MICAL3: variants seen among roughly 807,000 people sequenced by gnomAD.
MICAL3 encodes [F-actin]-monooxygenase MICAL3.
In MICAL3, 62 loss-of-function variants were observed where a neutral mutation model predicts 207.4. The ratio of observed to expected loss-of-function variants is 0.30; its 90% CI spans 0.24 to 0.37. The LOEUF is 0.37. MICAL3 is among the 10% of genes least tolerant of loss of function. The pLI, the probability that MICAL3 is intolerant of heterozygous loss-of-function variation, is 1.00. For missense variants in MICAL3, 2,368 were observed against 2,635.6 expected (o/e 0.90, Z 2.22); for synonymous variants, 1,077 against 1,069.3 (o/e 1.01, Z -0.14).
In MICAL3 at chr22:17,877,558, T is replaced by G. The variant is rs200426852; in HGVS notation, c.2242-5535A>C. 5.9e-3 allele frequency among the ~76,000 whole-genome samples: 420 copies of G among 71,624 alleles called. 2 individuals are homozygous for G. Among genetic ancestry groups the G allele is most frequent in the South Asian group, 0.014 (29 of 2,122 alleles). 47.0% of individuals were successfully genotyped at this position (71,624 alleles called of 152,430 possible). The stretch of plus-strand genomic sequence containing the variant: ...GAGGTTATGGAGGTGAGGGAGGTTA[T>G]GGAGGTTAGGGAGGTTAGGGAAGTT... On this transcript the variant is annotated intron_variant, in intron 16 of 31. Coordinates refer to ENST00000441493, the MANE Select transcript of MICAL3 (RefSeq NM_015241.3).
At chr22:17,936,930 G>C (rs1933559671) in intron 1 of MICAL3, among the ~76,000 whole-genome samples, 1 of 152,154 alleles carries the variant, frequency 6.6e-6, no homozygotes, top group South Asian at 2.1e-4. Context: ...CCTCTCTGAT[G>C]CCACCTTCCT....
At chr22:17,976,781 T>C (rs573199275) in intron 1 of MICAL3, among the ~76,000 whole-genome samples, 56 of 150,328 alleles carry the variant, frequency 3.7e-4, no homozygotes, top group African/African-American at 1.2e-3. Flanking sequence ...ATGGGACTGT[T>C]ACAGACTACT....
Position 17,790,896 on chromosome 22 carries a change from C to G in MICAL3, c.5845G>C (p.Glu1949Gln). Residue 1949 changes from glutamate (E) to glutamine (Q), a missense_variant, in exon 32 of 32, where the codon GAG becomes CAG. Coordinates refer to ENST00000441493, the MANE Select transcript of MICAL3 (RefSeq NM_015241.3). ...AGAATCTGCTTCTCTTCTGACAGCTCCTCCTCAGTCTTAAGGTGATCTTGA... is the reference window on the plus strand; with the variant it reads ...AGAATCTGCTTCTCTTCTGACAGCTGCTCCTCAGTCTTAAGGTGATCTTGA... ...AVEDHLKTEE[E>Q]LSEEKQILNE... 6.2e-7 allele frequency: 1 copy of G among 1,613,822 alleles called. No individual in the cohort carries two copies. Among genetic ancestry groups the G allele is most frequent in the Admixed American group, 1.7e-5 (1 of 60,028 alleles).
At chr22:17,798,024 G>C (rs2061895223) in intron 29 of MICAL3, among the ~76,000 whole-genome samples, 1 of 152,216 alleles carries the variant, frequency 6.6e-6, no homozygotes, top group African/African-American at 2.4e-5. Context: ...CAGACCAAAA[G>C]AGGGCCAATG....
chr22:17,975,974 G>A (rs757856350), intron 1 of MICAL3, among the ~76,000 whole-genome samples: 3 of 152,008 alleles, frequency 2.0e-5, no homozygotes, highest in Non-Finnish European at 4.4e-5. Context: ...CGCTAGAACC[G>A]GGAGGCAGAG....
chr22:18,001,324 G>C (rs918347655), intron 1 of MICAL3: 7 of 152,224 alleles, frequency 4.6e-5, no homozygotes, highest in Non-Finnish European at 8.8e-5. Flanking sequence ...CCCCGAGCTC[G>C]GGCGCGAGCA....
At chr22:17,879,528 C>T in intron 16 of MICAL3, 1 of 674,242 alleles carries the variant, frequency 1.5e-6, no homozygotes, top group Non-Finnish European at 2.5e-6. Context: ...CCTACTAACC[C>T]CATCCCCAGG....
intron 1 of MICAL3, among the ~76,000 whole-genome samples, chr22:18,000,553 C>A (rs1304360427): frequency 6.6e-6 from 1 of 152,210 alleles, no homozygotes; most frequent in East Asian, 1.9e-4. Context: ...GCATGCCAGG[C>A]GGAGGGTCTC....
At chr22:17,845,606 A>ACTC (rs1404324950) in intron 19 of MICAL3, among the ~76,000 whole-genome samples, 6 of 152,158 alleles carry the variant, frequency 3.9e-5, no homozygotes, top group Admixed American at 3.3e-4. Flanking sequence ...TCTGTGAGGT[A>ACTC]GGCACTATCA....
chr22:18,023,726 G>A (rs1158942398), intron 1 of MICAL3, among the ~76,000 whole-genome samples: 1 of 152,254 alleles, frequency 6.6e-6, no homozygotes, highest in African/African-American at 2.4e-5. Context: ...GCAAGCGTGT[G>A]CGCCACTGGT....
intron 1 of MICAL3, among the ~76,000 whole-genome samples, chr22:17,977,808 G>A (rs773102803): frequency 8.5e-5 from 13 of 152,114 alleles, no homozygotes; most frequent in Non-Finnish European, 1.8e-4. Flanking sequence ...AGGATCACCT[G>A]AGGTCGGGAG....
In MICAL3 at chr22:17,841,981, G is replaced by A. The variant is rs767706229; in HGVS notation, c.2642C>T (p.Ala881Val). ...CTCTGGGGTGCCCCTCAGTCGCTTG[G>A]CGATGCTGGGCTCCTCCAGGCCGTT... is the stretch of plus-strand genomic sequence containing the variant. ...GVNGLEEPSI[A>V]KRLRGTPERI... Residue 881 changes from alanine (A) to valine (V), a missense_variant, in exon 20 of 32, where the codon GCC (alanine) becomes GTC (valine). Transcript: ENST00000441493. This position sits in a 1 kb window ranked among gnomAD's most constrained non-coding sequence, Gnocchi z 4.2. The A allele has an allele frequency of 2.5e-6, 4 of 1,605,522 alleles. No homozygotes were observed. Among genetic ancestry groups the A allele is most frequent in the Non-Finnish European group, 3.4e-6 (4 of 1,179,472 alleles).
At chr22:17,952,110 A>G (rs777165037) in intron 1 of MICAL3, among the ~76,000 whole-genome samples, 3 of 152,212 alleles carry the variant, frequency 2.0e-5, no homozygotes, top group Non-Finnish European at 4.4e-5. Context: ...ACGGGACTGC[A>G]GCACTGGCTC....
At chr22:18,019,979 A>T (rs1401422679) in intron 1 of MICAL3, 3 of 150,550 alleles carry the variant, frequency 2.0e-5, no homozygotes, top group African/African-American at 7.3e-5. Context: ...CGCCCAGCTA[A>T]TTTTTTTGTA....
intron 1 of MICAL3, among the ~76,000 whole-genome samples, chr22:17,969,769 C>T (rs1375025208): frequency 6.6e-6 from 1 of 152,230 alleles, no homozygotes; most frequent in Non-Finnish European, 1.5e-5. Flanking sequence ...GTGAGAAGCG[C>T]AGCGTCTAGG....
chr22:17,902,569 TCTCATCTTCCTCACCCATCAACA>T lies in MICAL3; in HGVS notation c.589+39_589+61del, dbSNP rs1931410083. 1.9e-6 allele frequency: 2 copies of T among 1,032,362 alleles called. No homozygotes were observed. The highest frequency in any genetic ancestry group is 4.2e-5 in the Admixed American group (2 of 48,192). The allele number at this position is 1,032,362 out of a possible 1,614,324, so 64.0% of individuals were successfully genotyped here. On this transcript the variant is annotated intron_variant, in intron 4 of 31. Transcript: ENST00000441493. The surrounding 1 kb of genome is among the most constrained non-coding windows in gnomAD (Gnocchi z 4.5). Reference sequence around the variant, plus strand: ...AGGAGCCTTTGGTTTGCTCCCTCAATCTCATCTTCCTCACCCATCAACACCCTCTCACGCCTTCTTCACTCCTC... The same window carrying T: ...AGGAGCCTTTGGTTTGCTCCCTCAATCCCTCTCACGCCTTCTTCACTCCTC...
chr22:17,922,657 G>A (rs529129157), intron 1 of MICAL3, among the ~76,000 whole-genome samples: 2 of 152,112 alleles, frequency 1.3e-5, no homozygotes, highest in South Asian at 2.1e-4. Flanking sequence ...GGCTCGGGAC[G>A]AAAGAAAACC....
rs368024255 is a variant in MICAL3 at position 17,896,993 on chromosome 22, G to C, written c.949-12C>G. On this transcript the variant is annotated splice_polypyrimidine_tract_variant and intron_variant, in intron 7 of 31. Coordinates refer to ENST00000441493, the MANE Select transcript of MICAL3 (RefSeq NM_015241.3). ...GTGTCGGCGTAGTCCTGTCTCCAGA[G>C]AAAGAGGAGGGTAGGGATGGAGAAG... 56 of 1,604,808 alleles carry C rather than the reference G, an allele frequency of 3.5e-5. No homozygotes were observed. The African/African-American group carries it at 7.2e-4, about 21-fold the overall frequency.
intron 16 of MICAL3, chr22:17,875,503 GAGAA>G: frequency 6.4e-7 from 1 of 1,556,856 alleles, no homozygotes. Flanking sequence ...CGGAGACTAA[GAGAA>G]AGCTCCCACT....
Sources: gnomAD v4.1 joint callset for allele counts (sites outside exome capture counted in the v4.1 genomes callset) on GRCh38, gnomAD v4.1.1 for gene constraint, Gnocchi (gnomAD v3.1) non-coding constraint, MANE v1.5 for transcripts, NCBI Gene and HGNC (gene_info 2026-07-23, HGNC 2026-07-21) for gene names.